SPATA46: variants seen among roughly 807,000 people sequenced by gnomAD.
SPATA46 encodes spermatogenesis associated 46, also known as spermatogenesis-associated protein 46.
SPATA46 carries 3 observed loss-of-function variants against 6.2 expected under a neutral mutation model. The ratio of observed to expected loss-of-function variants is 0.48; its 90% CI spans 0.22 to 1.25. SPATA46 has a LOEUF of 1.25. Among genes scored for constraint, SPATA46 ranks in the 50% most tolerant of loss-of-function variants. The pLI, the probability that SPATA46 is intolerant of heterozygous loss-of-function variation, is 0.20. For synonymous variants in SPATA46, 117 were observed against 123.3 expected, an observed-to-expected ratio of 0.95 and a Z score of 0.34; for missense variants, 308 against 323.5, an observed-to-expected ratio of 0.95 and a Z score of 0.37.
Position 162,373,851 on chromosome 1 carries a change from C to A in SPATA46, c.*197G>T. 1.6e-6 allele frequency: 1 copy of A among 617,872 alleles called. No individual in the cohort carries two copies. The allele number at this position is 617,872 out of a possible 1,614,324, so 38.3% of individuals were successfully genotyped here. Reference sequence around the variant, plus strand: ...CTGCCAGCTGGGCACCTTTGAGAACCTCTATCTTAGATGATTTTCCCAAAC... The same window carrying A: ...CTGCCAGCTGGGCACCTTTGAGAACATCTATCTTAGATGATTTTCCCAAAC... On this transcript the variant is annotated 3_prime_UTR_variant, in exon 3 of 3. Coordinates refer to ENST00000367935, the MANE Select transcript of SPATA46 (RefSeq NM_182581.4).
chr1:162,376,843 G>T lies in SPATA46; in HGVS notation c.-53C>A. On this transcript the variant is annotated 5_prime_UTR_variant, in exon 1 of 3. Transcript: ENST00000367935. ...TCACACGCCTGCTCTGGAGAGGCTG[G>T]CTGGTTTGTCCAGAGGATAAACATT... is the stretch of plus-strand genomic sequence containing the variant. 6.3e-7 allele frequency: 1 copy of T among 1,594,974 alleles called. No individual in the cohort carries two copies.
Position 162,374,284 on chromosome 1 carries a change from T to G in SPATA46, c.550A>C (p.Lys184Gln). 6.2e-7 allele frequency: 1 copy of G among 1,614,098 alleles called. No homozygotes were observed. The highest frequency in any genetic ancestry group is 8.5e-7 in the Non-Finnish European group (1 of 1,179,954). ...RWHPAQQNGY[K>Q]CVACCRMYPT... The stretch of plus-strand genomic sequence containing the variant: ...TACATGCGGCAGCAGGCCACGCACT[T>G]GTAGCCATTCTGCTGTGCTGGGTGC... The change falls in exon 3 of 3, where the codon AAG (lysine) becomes CAG (glutamine). Residue 184 changes from lysine (K) to glutamine (Q), a missense_variant. Transcript: ENST00000367935.
chr1:162,376,149 G>A (rs1017776114), intron 1 of SPATA46, among the ~76,000 whole-genome samples: 2 of 152,156 alleles, frequency 1.3e-5, no homozygotes, highest in East Asian at 1.9e-4. Flanking sequence ...TCTAAGGACC[G>A]TATTTTGAAC....
At position 162,374,332 on chromosome 1, in the gene SPATA46, C is replaced by T. The variant is rs143897552; in HGVS notation, c.502G>A (p.Asp168Asn). ...TGCCACCTGGAAGCCATTAGGATGT[C>T]CTGGGATGTGATGGAGTCCAGGCCA... is the stretch of plus-strand genomic sequence containing the variant. ...RHGLDSITSQDILMASRWHPA... is the reference protein window; with the variant it reads ...RHGLDSITSQNILMASRWHPA... Residue 168 changes from aspartate (D) to asparagine (N), a missense_variant, in exon 3 of 3, where the codon GAC (aspartate) becomes AAC (asparagine). Coordinates refer to ENST00000367935, the MANE Select transcript of SPATA46 (RefSeq NM_182581.4). The T allele has an allele frequency of 3.7e-6, 6 of 1,613,994 alleles. No individual in the cohort carries two copies. The highest frequency in any genetic ancestry group is 5.1e-6 in the Non-Finnish European group (6 of 1,180,008).
intron 2 of SPATA46, 107 bp downstream of exon 2, chr1:162,375,183 C>T (rs1389812589): frequency 2.8e-5 from 27 of 948,050 alleles, no homozygotes; most frequent in Non-Finnish European, 4.1e-5. Context: ...GTGACAAGAC[C>T]GCGCATGGGG....
intron 1 of SPATA46, among the ~76,000 whole-genome samples, chr1:162,376,078 G>C (rs1193726421): frequency 1.3e-5 from 2 of 152,196 alleles, no homozygotes; most frequent in Admixed American, 6.5e-5. Context: ...CAGTGGATCT[G>C]GGGTGGGAAC....
chr1:162,376,630 C>A, intron 1 of SPATA46, 58 bp downstream of exon 1: 1 of 1,463,314 alleles, frequency 6.8e-7, no homozygotes, highest in Non-Finnish European at 9.5e-7. Flanking sequence ...GTAGGGTACT[C>A]AATTAAAAGC....
rs1298441993 is a variant in SPATA46, at chr1:162,374,021, G to A, written c.*27C>T. 6.4e-7 allele frequency: 1 copy of A among 1,563,644 alleles called. No individual in the cohort carries two copies. The highest frequency in any genetic ancestry group is 8.7e-7 in the Non-Finnish European group (1 of 1,152,558). Reference sequence around the variant, plus strand: ...GGGGTGACCTCAGACTGGACAGAAGGCTGTGACTAACTTTATTGGCATCTC... The same window carrying A: ...GGGGTGACCTCAGACTGGACAGAAGACTGTGACTAACTTTATTGGCATCTC... On this transcript the variant is annotated 3_prime_UTR_variant, in exon 3 of 3. Coordinates refer to ENST00000367935, the MANE Select transcript of SPATA46 (RefSeq NM_182581.4).
rs865871190 is a variant in SPATA46, at chr1:162,374,159, C to T, written c.675G>A (p.Lys225=). 6.2e-7 allele frequency: 1 copy of T among 1,614,276 alleles called. No homozygotes were observed. Among genetic ancestry groups the T allele is most frequent in the Non-Finnish European group, 8.5e-7 (1 of 1,180,054 alleles). The change falls in exon 3 of 3, where the codon AAG becomes AAA. Residue 225 remains lysine (K), a synonymous_variant. Coordinates refer to ENST00000367935, the MANE Select transcript of SPATA46 (RefSeq NM_182581.4). ...YYRKLKALWS[K]EQKARLGDRL... ...TGTCTCCCAGCCGGGCCTTCTGCTC[C>T]TTGCTCCAGAGGGCTTTGAGCTTGC...
At position 162,374,690 on chromosome 1, in the gene SPATA46, A is replaced by C. The variant is rs377647314; in HGVS notation, c.218-74T>G. 6.1e-6 allele frequency: 9 copies of C among 1,472,352 alleles called. No individual in the cohort carries two copies. The South Asian group carries it at 1.2e-4, about 19-fold the overall frequency. The allele number at this position is 1,472,352 out of a possible 1,614,324, so 91.2% of individuals were successfully genotyped here. A position where few individuals can be genotyped will look rare whatever the true frequency, so the allele number is the denominator to read the frequency against. On this transcript the variant is annotated intron_variant, in intron 2 of 2. Transcript: ENST00000367935. ...CCAAGGATGCTGGAGCAGAAAGGTA[A>C]GAAGGCAAACATCAGGCATGACCTC...
At position 162,374,122 on chromosome 1, in the gene SPATA46, C is replaced by T. The variant is rs756271327; in HGVS notation, c.712G>A (p.Gly238Ser). The T allele has an allele frequency of 4.3e-5, 70 of 1,614,062 alleles. No individual in the cohort carries two copies. The highest frequency in any genetic ancestry group is 3.3e-4 in the Middle Eastern group (2 of 6,084). The change falls in exon 3 of 3, where the codon GGC becomes AGC. Residue 238 changes from glycine (G) to serine (S), a missense_variant. By Grantham distance (56) the Gly-to-Ser change is moderately conservative (BLOSUM62 0). Transcript: ENST00000367935. ...GGACTATTGAAGGCCTGGCAGCTGC[C>T]GGAGGAGAGCCTGTCTCCCAGCCGG... ...KARLGDRLSS[G>S]SCQAFNSPAE...
rs766422961 is a variant in SPATA46, at chr1:162,374,038, T to C, written c.*10A>G. 10 of 1,577,464 alleles carry C rather than the reference T, an allele frequency of 6.3e-6. No homozygotes were observed. The highest frequency in any genetic ancestry group is 7.8e-6 in the Non-Finnish European group (9 of 1,160,286). On this transcript the variant is annotated 3_prime_UTR_variant, in exon 3 of 3. Transcript: ENST00000367935. Reference sequence around the variant, plus strand: ...GACAGAAGGCTGTGACTAACTTTATTGGCATCTCTCTAGAGACATAAGTAG... The same window carrying C: ...GACAGAAGGCTGTGACTAACTTTATCGGCATCTCTCTAGAGACATAAGTAG...
intron 2 of SPATA46, 26 bp from the exon 3 acceptor site, chr1:162,374,642 GTC>G: frequency 1.9e-6 from 3 of 1,576,602 alleles, no homozygotes; most frequent in Non-Finnish European, 1.7e-6. Flanking sequence ...CCAGGTCTGA[GTC>G]TCTGGCAGGG....
chr1:162,375,764 G>A (rs1647638366), intron 1 of SPATA46, among the ~76,000 whole-genome samples: 1 of 152,168 alleles, frequency 6.6e-6, no homozygotes, highest in South Asian at 2.1e-4. Flanking sequence ...CAGAGTCACA[G>A]GCTGCAGAGC....
rs561631205 is a variant in SPATA46 at position 162,376,342 on chromosome 1, A to G, written c.103+346T>C. ...GAGATTTCATGCACAATCTAGGGGG[A>G]AAAACTTGATGATAAATGGAGACTG... On this transcript the variant is annotated intron_variant, in intron 1 of 2. Transcript: ENST00000367935. Among the ~76,000 whole-genome samples the G allele has an allele frequency of 8.5e-5, 13 of 152,136 alleles. No individual in the cohort carries two copies. In the South Asian group the frequency reaches 2.7e-3, roughly 32 times the overall value.
intron 1 of SPATA46, among the ~76,000 whole-genome samples, chr1:162,376,024 A>T (rs1428564326): frequency 6.6e-6 from 1 of 152,324 alleles, no homozygotes; most frequent in Admixed American, 6.5e-5. Context: ...TTTACTGTGC[A>T]TAGAGATCCC....
At chr1:162,375,981 G>C (rs971309194) in intron 1 of SPATA46, among the ~76,000 whole-genome samples, 1 of 152,288 alleles carries the variant, frequency 6.6e-6, no homozygotes, top group Middle Eastern at 3.4e-3. Flanking sequence ...TGGATGCTTA[G>C]GAGGCCTACT....
rs183889995 is a variant in SPATA46, at chr1:162,373,390, C to T, written c.*658G>A. On this transcript the variant is annotated 3_prime_UTR_variant, in exon 3 of 3. Transcript: ENST00000367935. ...CTGGCTCAAAGCAGCCAAGAAAAGA[C>T]GTCTCCTGGGTCAAAACTGATTCTA... 3.3e-5 allele frequency: 5 copies of T among 152,226 alleles called. No homozygotes were observed. The highest frequency in any genetic ancestry group is 6.5e-5 in the Admixed American group (1 of 15,298). 9.4% of individuals were successfully genotyped at this position (152,226 alleles called of 1,614,324 possible). A position where few individuals can be genotyped will look rare whatever the true frequency, so the allele number is the denominator to read the frequency against.
At chr1:162,376,651 AC>A in intron 1 of SPATA46, 36 bp downstream of exon 1, 1 of 1,545,814 alleles carries the variant, frequency 6.5e-7, no homozygotes, top group Non-Finnish European at 8.9e-7. Context: ...TTCAAAAAAA[AC>A]CACATCTTTG....
Sources: gnomAD v4.1 joint callset for allele counts (sites outside exome capture counted in the v4.1 genomes callset) on GRCh38, gnomAD v4.1.1 for gene constraint, MANE v1.5 for transcripts, NCBI Gene and HGNC (gene_info 2026-07-23, HGNC 2026-07-21) for gene names.